The following VPS8 variants were observed in gnomAD, a reference collection of about 807,000 sequenced individuals.
VPS8 encodes the protein VPS8 subunit of CORVET complex, also known as vacuolar protein sorting-associated protein 8 homolog.
VPS8 carries 129 observed loss-of-function variants against 216.4 expected under a neutral mutation model. That is an observed-to-expected ratio of 0.60 (90% CI 0.52 to 0.69). The LOEUF (loss-of-function observed/expected upper bound fraction) is 0.69. Among genes scored for constraint, VPS8 ranks in the 30% least tolerant of loss-of-function variants. The pLI, the probability that VPS8 is intolerant of heterozygous loss-of-function variation, is 0.00. For missense variants in VPS8, 1,531 were observed against 1,683.5 expected, an observed-to-expected ratio of 0.91 and a Z score of 1.59; for synonymous variants, 571 against 565.4, an observed-to-expected ratio of 1.01 and a Z score of -0.14.
intron 3 of VPS8, among the ~76,000 whole-genome samples, chr3:184,828,661 A>G (rs1245897144): frequency 6.6e-6 from 1 of 152,068 alleles, no homozygotes; most frequent in Non-Finnish European, 1.5e-5. Context: ...ACCCTTTCTA[A>G]TCTCCCAGTT....
At position 184,828,514 on chromosome 3, in the gene VPS8, A is replaced by G. The variant is rs568814389; in HGVS notation, c.222+2283A>G. On this transcript the variant is annotated intron_variant, in intron 3 of 47. Transcript: ENST00000625842. ...AGAATTTAGGACATGAAAGAATGTT[A>G]CTAGGTATTGCCATCCTTTGAAACT... 3.9e-5 allele frequency among the ~76,000 whole-genome samples: 6 copies of G among 152,266 alleles called. No individual in the cohort carries two copies. The South Asian group carries it at 1.0e-3, about 26-fold the overall frequency.
intron 26 of VPS8, among the ~76,000 whole-genome samples, 158 bp from the exon 27 acceptor site, chr3:184,914,823 G>T (rs574764647): frequency 1.3e-5 from 2 of 152,276 alleles, no homozygotes; most frequent in Non-Finnish European, 2.9e-5. Flanking sequence ...TCTAAACTGG[G>T]TGTCATCTTG....
chr3:184,882,366 T>G (rs1310583065), intron 21 of VPS8: 1 of 455,490 alleles, frequency 2.2e-6, no homozygotes, highest in Non-Finnish European at 4.4e-6. Flanking sequence ...GCATGGCATA[T>G]CGTAATGATT....
chr3:184,970,117 G>A (rs1577020835), intron 39 of VPS8, among the ~76,000 whole-genome samples: 1 of 151,624 alleles, frequency 6.6e-6, no homozygotes, highest in African/African-American at 2.4e-5. Context: ...CACCATCTTG[G>A]CCAGGCTGGT....
At chr3:184,869,764 C>T (rs1728013197) in intron 20 of VPS8, among the ~76,000 whole-genome samples, 1 of 152,098 alleles carries the variant, frequency 6.6e-6, no homozygotes, top group Non-Finnish European at 1.5e-5. Flanking sequence ...GTGGTGTGCA[C>T]CTGTAGTCCT....
chr3:184,917,400 C>G (rs1737785197), intron 28 of VPS8, among the ~76,000 whole-genome samples: 1 of 152,128 alleles, frequency 6.6e-6, no homozygotes, highest in Non-Finnish European at 1.5e-5. Flanking sequence ...GGACTTCCTT[C>G]TTTTCTTCCT....
chr3:184,849,092 T>A lies in VPS8; in HGVS notation c.563T>A (p.Leu188His). 1 of 1,613,386 alleles carries A rather than the reference T, an allele frequency of 6.2e-7. No homozygotes were observed. Among genetic ancestry groups the A allele is most frequent in the South Asian group, 1.1e-5 (1 of 91,080 alleles). The change falls in exon 9 of 48, where the codon CTC becomes CAC. Residue 188 changes from leucine to histidine, a missense_variant. This residue lies in a region of VPS8 where 1,318 missense variants were observed against 1,468.4 expected (regional missense o/e 0.90). Transcript: ENST00000625842. ...TTAGATCAGAATCAAGCTTTGCGAC[T>A]CTGTCTGGGTAGCACTAGTGTTGGA... ...FGKDQNQALR[L>H]CLGSTSVGGQ...
intron 46 of VPS8, among the ~76,000 whole-genome samples, chr3:185,043,425 G>C (rs989456308): frequency 6.6e-6 from 1 of 152,188 alleles, no homozygotes; most frequent in Non-Finnish European, 1.5e-5. Flanking sequence ...AAAGAGCCTT[G>C]TAAGGTAGGC....
rs781439290 is a variant in VPS8 at position 184,855,768 on chromosome 3, G to T, written c.1093G>T (p.Val365Leu). The change falls in exon 14 of 48, where the codon GTG becomes TTG. Residue 365 changes from valine to leucine, a missense_variant. Physicochemically the swap from Val to Leu is conservative, Grantham distance 32 (BLOSUM62 1). Coordinates refer to ENST00000625842, the MANE Select transcript of VPS8 (RefSeq NM_001009921.3). Reference protein sequence around the residue: ...AWHFVAVQNYVNPMLAFCRGD... With the variant: ...AWHFVAVQNYLNPMLAFCRGD... ...GCACTTTGTAGCAGTACAAAATTACGTGAATCCCATGCTTGCCTTCTGCAG... is the reference window on the plus strand; with the variant it reads ...GCACTTTGTAGCAGTACAAAATTACTTGAATCCCATGCTTGCCTTCTGCAG... The T allele has an allele frequency of 6.2e-7, 1 of 1,613,574 alleles. No homozygotes were observed. Among genetic ancestry groups the T allele is most frequent in the Non-Finnish European group, 8.5e-7 (1 of 1,179,772 alleles).
At position 184,869,013 on chromosome 3, in the gene VPS8, A is replaced by G; in HGVS notation, c.1574A>G (p.Glu525Gly). The G allele has an allele frequency of 6.2e-7, 1 of 1,608,536 alleles. No homozygotes were observed. Among genetic ancestry groups the G allele is most frequent in the African/African-American group, 1.3e-5 (1 of 74,980 alleles). The change falls in exon 19 of 48, where the codon GAA becomes GGA. Residue 525 changes from glutamate (E) to glycine (G), a missense_variant. By Grantham distance (98) the Glu-to-Gly change is moderately conservative. Coordinates refer to ENST00000625842, the MANE Select transcript of VPS8 (RefSeq NM_001009921.3). Reference protein sequence around the residue: ...EALALAWSFHEGKAKAVVGLS... With the variant: ...EALALAWSFHGGKAKAVVGLS... ...TTGGCTCTTGCGTGGTCTTTCCATG[A>G]AGGAAAAGCAAAAGCAGTAGTGGGT...
chr3:184,891,777 A>T (rs913676083), intron 22 of VPS8, among the ~76,000 whole-genome samples: 1 of 152,144 alleles, frequency 6.6e-6, no homozygotes, highest in African/African-American at 2.4e-5. Context: ...TACCACTTGT[A>T]TTTGGTGGGA....
At chr3:184,872,792 AT>A (rs1728581402) in intron 21 of VPS8, among the ~76,000 whole-genome samples, 1 of 152,146 alleles carries the variant, frequency 6.6e-6, no homozygotes, top group Non-Finnish European at 1.5e-5. Flanking sequence ...TCAGAAAAAA[AT>A]ATGGGCACAA....
At chr3:184,912,226 A>G (rs1343402023) in intron 25 of VPS8, among the ~76,000 whole-genome samples, 3 of 152,210 alleles carry the variant, frequency 2.0e-5, no homozygotes, top group African/African-American at 7.2e-5. Flanking sequence ...AATTCGTCTC[A>G]AAGTGTGGCG....
At chr3:184,922,573 T>C in intron 29 of VPS8, 1 of 331,396 alleles carries the variant, frequency 3.0e-6, no homozygotes, top group Non-Finnish European at 6.0e-6. Context: ...AGTATTTGAC[T>C]ATTTCTGTTG....
chr3:184,836,452 A>G (rs537062506), intron 5 of VPS8: 2 of 368,900 alleles, frequency 5.4e-6, no homozygotes, highest in Non-Finnish European at 1.1e-5. Context: ...GACTCTGAAC[A>G]ATGATTAGAT....
intron 46 of VPS8, among the ~76,000 whole-genome samples, chr3:185,025,859 T>C (rs561417672): frequency 6.6e-6 from 1 of 152,352 alleles, no homozygotes; most frequent in East Asian, 1.9e-4. Flanking sequence ...CTCTTCTGCT[T>C]ATTTATCTGA....
At chr3:185,023,712 C>T (rs957898088) in intron 45 of VPS8, among the ~76,000 whole-genome samples, 7 of 152,036 alleles carry the variant, frequency 4.6e-5, no homozygotes, top group Non-Finnish European at 7.4e-5. Context: ...GGCATATTGT[C>T]GCCATCCTTT....
chr3:184,876,666 C>T (rs564291825), intron 21 of VPS8, among the ~76,000 whole-genome samples: 2 of 152,258 alleles, frequency 1.3e-5, no homozygotes, highest in East Asian at 3.9e-4. Flanking sequence ...GTGGATCCAC[C>T]ATGCACCTAA....
intron 35 of VPS8, among the ~76,000 whole-genome samples, chr3:184,939,407 AAAAC>A (rs1742242579): frequency 2.0e-5 from 3 of 152,044 alleles, no homozygotes; most frequent in South Asian, 2.1e-4. Flanking sequence ...AAAAAATAAA[AAAAC>A]AAAGAAAAAC....
Sources: allele counts gnomAD v4.1 joint callset (sites outside exome capture counted in the v4.1 genomes callset), GRCh38; gene constraint gnomAD v4.1.1; regional missense constraint gnomAD v4.1.1; transcripts MANE v1.5; gene names NCBI Gene and HGNC (gene_info 2026-07-23, HGNC 2026-07-21).